Variants in FAM107A observed in about 807,000 individuals in gnomAD.
FAM107A encodes the protein actin-associated protein FAM107A.
Under a neutral mutation model 13.7 loss-of-function variants are expected in FAM107A, and 19 were observed. The ratio of observed to expected loss-of-function variants is 1.38; its 90% CI spans 0.97 to 2.03. FAM107A has a LOEUF of 2.03. FAM107A is among the 30% of genes most tolerant of loss of function. The pLI is 0.00. For synonymous variants in FAM107A, 82 were observed against 74.5 expected, an observed-to-expected ratio of 1.10 and a Z score of -0.52; for missense variants, 203 against 184.4, an observed-to-expected ratio of 1.10 and a Z score of -0.58.
At chr3:58,572,489 T>C (rs1402141825) in intron 1 of FAM107A, among the ~76,000 whole-genome samples, 3 of 152,322 alleles carry the variant, frequency 2.0e-5, no homozygotes, top group South Asian at 2.1e-4. Context: ...GTGTGACTCA[T>C]GTACCTTGAA....
rs969088856 is a variant in FAM107A at position 58,569,510 on chromosome 3, G to T, written c.170+181C>A. On this transcript the variant is annotated intron_variant, in intron 2 of 3. Transcript: ENST00000360997. This position sits in a 1 kb window ranked among gnomAD's most constrained non-coding sequence, Gnocchi z 5.7. ...GCTTTTTGGTCCCTCTGGTTCCCAGGGACCCACTGGGGACAGGGTCTTTAC... is the reference window on the plus strand; with the variant it reads ...GCTTTTTGGTCCCTCTGGTTCCCAGTGACCCACTGGGGACAGGGTCTTTAC... Among the ~76,000 whole-genome samples the T allele has an allele frequency of 7.9e-5, 12 of 152,280 alleles. No individual in the cohort carries two copies. Among genetic ancestry groups the T allele is most frequent in the Non-Finnish European group, 1.6e-4 (11 of 68,014 alleles).
chr3:58,575,051 C>T (rs1174628849), intron 1 of FAM107A, among the ~76,000 whole-genome samples: 2 of 152,170 alleles, frequency 1.3e-5, no homozygotes, highest in African/African-American at 2.4e-5. Flanking sequence ...GCCATGGGAC[C>T]CCAGGCTGTC....
chr3:58,602,405 G>T (rs980414350), intron 1 of FAM107A, among the ~76,000 whole-genome samples: 1 of 152,186 alleles, frequency 6.6e-6, no homozygotes, highest in Non-Finnish European at 1.5e-5. Context: ...GGAAACGTGC[G>T]TTGAAAGCCC....
intron 1 of FAM107A, among the ~76,000 whole-genome samples, chr3:58,571,214 G>A (rs1159734291): frequency 6.6e-6 from 1 of 152,192 alleles, no homozygotes; most frequent in African/African-American, 2.4e-5. Context: ...ACTTTGCAAC[G>A]GTGGCCACCA....
rs772372518 is a variant in FAM107A, at chr3:58,573,810, C to A, written c.-6+3499G>T. Among the ~76,000 whole-genome samples the A allele has an allele frequency of 7.9e-5, 12 of 152,328 alleles. No homozygotes were observed. In the East Asian group the frequency reaches 2.3e-3, roughly 29 times the overall value. The stretch of plus-strand genomic sequence containing the variant: ...AGCCTGGAAACTACAGCCTTTGGAC[C>A]AAATCCCACAGCCCTGGGACACACC... On this transcript the variant is annotated intron_variant, in intron 1 of 3. Transcript: ENST00000360997.
rs748793782 is a variant in FAM107A, at chr3:58,566,586, C to A, written c.*2G>T. On this transcript the variant is annotated 3_prime_UTR_variant, in exon 4 of 4. Coordinates refer to ENST00000360997, the MANE Select transcript of FAM107A (RefSeq NM_001076778.3). ...GCAGTGGCCTGAGCCCGGCAGCTGG[C>A]CCTACAGCTCTCTCTCTTCGCTGGT... The A allele has an allele frequency of 2.5e-6, 4 of 1,610,632 alleles. No individual in the cohort carries two copies. Among genetic ancestry groups the A allele is most frequent in the Admixed American group, 1.7e-5 (1 of 59,982 alleles).
exon 1 of FAM107A, chr3:58,586,979 C>G (rs1208260769): frequency 1.3e-6 from 2 of 1,495,108 alleles, no homozygotes; most frequent in South Asian, 2.5e-5. Context: ...GCTGGCCCCG[C>G]GAGCGCACAG....
rs1290955223 is a variant in FAM107A, at chr3:58,566,593, GCTCT to G, written c.426_429del (p.Arg142SerfsTer79). Reference sequence around the variant, plus strand: ...CCTGAGCCCGGCAGCTGGCCCTACAGCTCTCTCTCTTCGCTGGTCAGTGTGGCAA... The same window carrying G: ...CCTGAGCCCGGCAGCTGGCCCTACAGCTCTCTTCGCTGGTCAGTGTGGCAA... On this transcript the variant is annotated frameshift_variant, in exon 4 of 4. Coordinates refer to ENST00000360997, the MANE Select transcript of FAM107A (RefSeq NM_001076778.3). LOFTEE classifies it high-confidence loss of function. The G allele has an allele frequency of 9.3e-6, 15 of 1,612,096 alleles. No homozygotes were observed. Among genetic ancestry groups the G allele is most frequent in the Non-Finnish European group, 1.3e-5 (15 of 1,178,714 alleles).
chr3:58,613,941 T>C lies in FAM107A; in HGVS notation c.-70+13475A>G, dbSNP rs544340090. ...ACAACTCCCTGCAGCCTGCTGTACC[T>C]GGGAAGTGCCAGTGGGCTGGACCGG... On this transcript the variant is annotated intron_variant, in intron 1 of 3. Coordinates refer to the FAM107A transcript ENST00000465970. This position sits in a 1 kb window ranked among gnomAD's most constrained non-coding sequence, Gnocchi z 4.6. Among the ~76,000 whole-genome samples, 2 of 152,312 alleles carry C rather than the reference T, an allele frequency of 1.3e-5. No homozygotes were observed. The highest frequency in any genetic ancestry group is 2.9e-5 in the Non-Finnish European group (2 of 68,016).
intron 1 of FAM107A, among the ~76,000 whole-genome samples, chr3:58,598,479 G>C (rs2065725531): frequency 6.6e-6 from 1 of 152,156 alleles, no homozygotes; most frequent in Non-Finnish European, 1.5e-5. Flanking sequence ...CTCAAGCTGA[G>C]GCCCTGGGTG....
chr3:58,577,226 C>G lies in FAM107A; in HGVS notation c.-6+83G>C, dbSNP rs1053014663. On this transcript the variant is annotated intron_variant, in intron 1 of 3. Transcript: ENST00000360997. This position sits in a 1 kb window ranked among gnomAD's most constrained non-coding sequence, Gnocchi z 4.9. ...CCACTGACAGCCCACTTCAGTGTAC[C>G]GGGTCTGCCCTCCTTCCCTTCCACC... 3.1e-6 allele frequency: 2 copies of G among 640,544 alleles called. No homozygotes were observed. The highest frequency in any genetic ancestry group is 2.8e-4 in the East Asian group (2 of 7,214). The allele number at this position is 640,544 out of a possible 1,614,324, so 39.7% of individuals were successfully genotyped here.
upstream of FAM107A, among the ~76,000 whole-genome samples, chr3:58,590,589 T>C (rs73091466): frequency 0.13 from 20,058 of 152,132 alleles, 1,729 homozygotes; most frequent in African/African-American, 0.24. Flanking sequence ...CTTATAATTA[T>C]GGTGAAAAGT....
upstream of FAM107A, among the ~76,000 whole-genome samples, chr3:58,582,407 C>T (rs777198915): frequency 3.3e-5 from 5 of 152,182 alleles, no homozygotes; most frequent in Non-Finnish European, 7.3e-5. Flanking sequence ...CCTTTTTGTC[C>T]ATAGTGCAGA....
upstream of FAM107A, among the ~76,000 whole-genome samples, chr3:58,588,872 A>G (rs115372468): frequency 0.074 from 11,267 of 151,840 alleles, 503 homozygotes; most frequent in Non-Finnish European, 0.097. Context: ...TTGGTCTCGA[A>G]CTCCTGACTT....
chr3:58,599,261 A>C (rs755786538), intron 1 of FAM107A, among the ~76,000 whole-genome samples: 1 of 152,118 alleles, frequency 6.6e-6, no homozygotes, highest in Non-Finnish European at 1.5e-5. Flanking sequence ...CACTATTACA[A>C]ATAATTCTAC....
intron 1 of FAM107A, among the ~76,000 whole-genome samples, chr3:58,605,386 C>A (rs1015366891): frequency 2.6e-5 from 4 of 152,188 alleles, no homozygotes; most frequent in African/African-American, 9.7e-5. Flanking sequence ...CCTATCTATG[C>A]GGCTCCCTCC....
At chr3:58,590,852 G>T (rs535904495), upstream of FAM107A, among the ~76,000 whole-genome samples, 4 of 152,164 alleles carry the variant, frequency 2.6e-5, no homozygotes, top group Non-Finnish European at 4.4e-5. Flanking sequence ...CCTTCAAGTC[G>T]TTCTCCACAA....
chr3:58,612,246 C>A (rs1369836190), intron 1 of FAM107A, among the ~76,000 whole-genome samples: 1 of 152,046 alleles, frequency 6.6e-6, no homozygotes, highest in Non-Finnish European at 1.5e-5. Flanking sequence ...GTCAAAAAAA[C>A]TGTGGCATGT....
chr3:58,589,637 G>A (rs73091462), upstream of FAM107A, among the ~76,000 whole-genome samples: 11,279 of 152,250 alleles, frequency 0.074, 503 homozygotes, highest in Non-Finnish European at 0.097. Flanking sequence ...CATGTGAGTT[G>A]TATGGTGCAT....
Sources: gnomAD v4.1 joint callset for allele counts (sites outside exome capture counted in the v4.1 genomes callset) on GRCh38, gnomAD v4.1.1 for gene constraint, Gnocchi (gnomAD v3.1) non-coding constraint, MANE v1.5 for transcripts, NCBI Gene and HGNC (gene_info 2026-07-23, HGNC 2026-07-21) for gene names.